OSBPL10: variants seen among roughly 807,000 people sequenced by gnomAD.
OSBPL10 encodes the protein oxysterol binding protein like 10, also known as oxysterol-binding protein-related protein 10.
A neutral mutation model predicts 81.7 loss-of-function variants in OSBPL10; 49 were observed. The ratio of observed to expected loss-of-function variants is 0.60; its 90% confidence interval spans 0.48 to 0.76. The LOEUF (loss-of-function observed/expected upper bound fraction) is 0.76, where lower values mean the gene tolerates loss of function less well. OSBPL10 is among the 30% of genes least tolerant of loss of function. OSBPL10 has a pLI of 0.00. For missense variants in OSBPL10, 923 were observed against 987.8 expected (o/e 0.93, Z 0.88); for synonymous variants, 419 against 383.6 (o/e 1.09, Z -1.08).
chr3:31,671,455 A>G (rs1318705026), intron 8 of OSBPL10, among the ~76,000 whole-genome samples: 1 of 152,128 alleles, frequency 6.6e-6, no homozygotes, highest in Non-Finnish European at 1.5e-5. Context: ...CCACATGCAG[A>G]AGAGAGATGA....
At chr3:31,992,355 A>G (rs1214018166) in intron 2 of OSBPL10, among the ~76,000 whole-genome samples, 1 of 152,202 alleles carries the variant, frequency 6.6e-6, no homozygotes, top group Non-Finnish European at 1.5e-5. Flanking sequence ...TGGTTATTAT[A>G]AAACAATACA....
chr3:31,815,131 T>C (rs966265802), intron 4 of OSBPL10, among the ~76,000 whole-genome samples: 3 of 150,736 alleles, frequency 2.0e-5, no homozygotes, highest in South Asian at 2.1e-4. Context: ...TGAGACCACA[T>C]GAACACAGAG....
intron 1 of OSBPL10, among the ~76,000 whole-genome samples, chr3:32,056,218 G>T (rs1378315362): frequency 6.6e-6 from 1 of 152,056 alleles, no homozygotes; most frequent in Non-Finnish European, 1.5e-5. Context: ...GTTTTTTTCT[G>T]CAATTTAGAC....
intron 4 of OSBPL10, among the ~76,000 whole-genome samples, chr3:31,821,309 G>A (rs1699978906): frequency 6.6e-6 from 1 of 152,086 alleles, no homozygotes; most frequent in Non-Finnish European, 1.5e-5. Context: ...ATCCCATGGT[G>A]TTCCACAGAC....
chr3:31,854,375 C>T (rs1232589264), intron 3 of OSBPL10, among the ~76,000 whole-genome samples: 2 of 152,148 alleles, frequency 1.3e-5, no homozygotes, highest in Non-Finnish European at 2.9e-5. Context: ...ATAATGCCTC[C>T]TTTCCCACAT....
intron 6 of OSBPL10, among the ~76,000 whole-genome samples, chr3:31,712,188 A>C (rs756958844): frequency 6.6e-6 from 1 of 152,204 alleles, no homozygotes; most frequent in Non-Finnish European, 1.5e-5. Flanking sequence ...ACAGCTTTCA[A>C]TAATTTCTAA....
intron 3 of OSBPL10, among the ~76,000 whole-genome samples, chr3:31,840,804 CCCCT>C: frequency 6.6e-6 from 1 of 152,336 alleles, no homozygotes; most frequent in Non-Finnish European, 1.5e-5. Context: ...CTAGATTTAA[CCCCT>C]CCCTAATTCC....
chr3:31,824,186 T>C (rs1406682538), intron 4 of OSBPL10, among the ~76,000 whole-genome samples: 2 of 152,076 alleles, frequency 1.3e-5, no homozygotes, highest in African/African-American at 4.8e-5. Flanking sequence ...AAAGACACCA[T>C]GGTCAATGAA....
intron 1 of OSBPL10, among the ~76,000 whole-genome samples, chr3:32,068,681 G>A (rs918268935): frequency 1.5e-4 from 23 of 151,824 alleles, no homozygotes; most frequent in Non-Finnish European, 2.5e-4. Context: ...CATTTTTGTC[G>A]AAAAATGGGC....
Position 31,981,135 on chromosome 3 carries a change from G to A in OSBPL10, c.45C>T (p.Asn15=). ...VQGTDGGGGS[N]SSSRSSSRAT... Reference sequence around the variant, plus strand: ...CACGGCTGCTGCTGCGGCTGCTGCTGTTGCTACCCCCGCCGCCGTCTGTGC... The same window carrying A: ...CACGGCTGCTGCTGCGGCTGCTGCTATTGCTACCCCCGCCGCCGTCTGTGC... The change falls in exon 1 of 12, where the codon AAC becomes AAT. Residue 15 remains asparagine, a synonymous_variant. Coordinates refer to ENST00000396556, the MANE Select transcript of OSBPL10 (RefSeq NM_017784.5). This position sits in a 1 kb window ranked among gnomAD's most constrained non-coding sequence, Gnocchi z 4.5. 1 of 1,491,766 alleles carries A rather than the reference G, an allele frequency of 6.7e-7. No homozygotes were observed. Among genetic ancestry groups the A allele is most frequent in the Non-Finnish European group, 8.9e-7 (1 of 1,125,706 alleles). 92.4% of individuals were successfully genotyped at this position (1,491,766 alleles called of 1,614,324 possible).
intron 1 of OSBPL10, among the ~76,000 whole-genome samples, chr3:31,896,005 A>T (rs1177611251): frequency 1.3e-5 from 2 of 152,130 alleles, no homozygotes; most frequent in Non-Finnish European, 1.5e-5. Flanking sequence ...ACACCTATAC[A>T]CACACACAGT....
rs144438898 is a variant in OSBPL10 at position 31,717,365 on chromosome 3, C to T, written c.1096-14857G>A. Reference sequence around the variant, plus strand: ...CAAGAGCTAGGAATATCAGAAACAACCCAAAGCTCAGGTCTTATTCTTTTT... The same window carrying T: ...CAAGAGCTAGGAATATCAGAAACAATCCAAAGCTCAGGTCTTATTCTTTTT... On this transcript the variant is annotated intron_variant, in intron 6 of 11. Transcript: ENST00000396556. 2.0e-3 allele frequency among the ~76,000 whole-genome samples: 306 copies of T among 152,266 alleles called. 2 individuals carry two copies. The highest frequency in any genetic ancestry group is 7.1e-3 in the African/African-American group (293 of 41,552).
At chr3:32,069,285 C>T (rs1699808003) in intron 1 of OSBPL10, among the ~76,000 whole-genome samples, 2 of 152,020 alleles carry the variant, frequency 1.3e-5, no homozygotes, top group South Asian at 4.2e-4. Flanking sequence ...TTTTCTGTAG[C>T]CCAATCTCAT....
At chr3:31,796,874 C>A (rs979416892) in intron 4 of OSBPL10, among the ~76,000 whole-genome samples, 1 of 152,106 alleles carries the variant, frequency 6.6e-6, no homozygotes, top group Non-Finnish European at 1.5e-5. Flanking sequence ...TAATAGACAC[C>A]TTTCCTCCCC....
chr3:32,011,491 A>G (rs999817344), intron 2 of OSBPL10, among the ~76,000 whole-genome samples: 4 of 152,238 alleles, frequency 2.6e-5, no homozygotes, highest in African/African-American at 9.6e-5. Flanking sequence ...AAGATGGGGA[A>G]AAAACAGAGC....
intron 4 of OSBPL10, among the ~76,000 whole-genome samples, chr3:31,815,487 G>A (rs148053978): frequency 2.6e-4 from 39 of 152,264 alleles, no homozygotes; most frequent in African/African-American, 8.4e-4. Flanking sequence ...TCAGATCAAA[G>A]CAATAAGAAA....
chr3:31,792,551 G>A (rs1699042538), intron 4 of OSBPL10, among the ~76,000 whole-genome samples: 1 of 152,096 alleles, frequency 6.6e-6, no homozygotes, highest in Admixed American at 6.6e-5. Context: ...GGGGGTGGTG[G>A]TTAAAATTCT....
chr3:31,735,065 T>C (rs1419958336), intron 5 of OSBPL10, among the ~76,000 whole-genome samples: 2 of 152,266 alleles, frequency 1.3e-5, no homozygotes, highest in African/African-American at 4.8e-5. Flanking sequence ...TATGCAGTAT[T>C]AGCCAACTCA....
chr3:31,701,114 T>C (rs985601217), intron 7 of OSBPL10, among the ~76,000 whole-genome samples: 2 of 152,210 alleles, frequency 1.3e-5, no homozygotes, highest in Non-Finnish European at 2.9e-5. Context: ...GTCTCTCTCC[T>C]GTCTTCTATA....
Sources: gnomAD v4.1 joint callset for allele counts (sites outside exome capture counted in the v4.1 genomes callset) on GRCh38, gnomAD v4.1.1 for gene constraint, Gnocchi (gnomAD v3.1) non-coding constraint, MANE v1.5 for transcripts, NCBI Gene and HGNC (gene_info 2026-07-23, HGNC 2026-07-21) for gene names.